Variants in IPO11 observed in about 807,000 individuals in gnomAD.
IPO11 encodes importin 11, also known as importin-11.
Under a neutral mutation model 143.2 loss-of-function variants are expected in IPO11, and 66 were observed. The observed-to-expected ratio is 0.46, with a 90% CI of 0.38 to 0.57. The LOEUF (loss-of-function observed/expected upper bound fraction) is 0.57. IPO11 is among the 20% of genes least tolerant of loss of function. The pLI is 0.00. For missense variants in IPO11, 1,026 were observed against 1,141.0 expected, an observed-to-expected ratio of 0.90 and a Z score of 1.45; for synonymous variants, 385 against 377.8, an observed-to-expected ratio of 1.02 and a Z score of -0.22.
At chr5:62,591,822 A>G (rs1290591051) in intron 28 of IPO11, 150 bp downstream of exon 28, 2 of 520,470 alleles carry the variant, frequency 3.8e-6, no homozygotes, top group Non-Finnish European at 3.3e-6. Context: ...TTTGCTTGTA[A>G]TATTTATTGT....
In IPO11 at chr5:62,551,984, C is replaced by T. The variant is rs13182779; in HGVS notation, c.2460+648C>T. 2.6e-5 allele frequency among the ~76,000 whole-genome samples: 4 copies of T among 152,020 alleles called. No individual in the cohort carries two copies. In the East Asian group the frequency reaches 7.7e-4, roughly 29 times the overall value. The stretch of plus-strand genomic sequence containing the variant: ...CTAAAAATACAAAAAATTAGCCCGG[C>T]GCGGTTGCGGGCACCTGTAGTCCCA... On this transcript the variant is annotated intron_variant, in intron 26 of 29. Coordinates refer to ENST00000325324, the MANE Select transcript of IPO11 (RefSeq NM_016338.5).
At chr5:62,486,081 T>C (rs113365538) in intron 12 of IPO11, among the ~76,000 whole-genome samples, 1 of 150,868 alleles carries the variant, frequency 6.6e-6, no homozygotes, top group East Asian at 2.0e-4. Flanking sequence ...CCTGGGTTCA[T>C]GCCATTCTCC....
At chr5:62,598,270 G>A (rs1042911956) in intron 28 of IPO11, among the ~76,000 whole-genome samples, 1 of 151,938 alleles carries the variant, frequency 6.6e-6, no homozygotes, top group Non-Finnish European at 1.5e-5. Flanking sequence ...GAGGATAACT[G>A]TACAGATTCA....
At chr5:62,446,938 G>T (rs1249435777) in intron 3 of IPO11, among the ~76,000 whole-genome samples, 1 of 151,322 alleles carries the variant, frequency 6.6e-6, no homozygotes, top group African/African-American at 2.4e-5. Flanking sequence ...CTGTACTCCA[G>T]CCTGGGCAAC....
intron 27 of IPO11, among the ~76,000 whole-genome samples, chr5:62,574,849 T>C (rs1414298797): frequency 6.6e-6 from 1 of 152,220 alleles, no homozygotes; most frequent in African/African-American, 2.4e-5. Context: ...TCCTTGAAAG[T>C]GTCCTAGTGT....
intron 10 of IPO11, 85 bp downstream of exon 10, chr5:62,483,378 G>A (rs1454669046): frequency 3.9e-6 from 3 of 762,736 alleles, no homozygotes; most frequent in Admixed American, 6.8e-5. Flanking sequence ...TTTAAAAAAT[G>A]TCATTTTAGT....
intron 5 of IPO11, among the ~76,000 whole-genome samples, chr5:62,463,339 C>T (rs1394639007): frequency 1.3e-5 from 2 of 152,014 alleles, no homozygotes; most frequent in Admixed American, 6.6e-5. Context: ...AGATACCATG[C>T]CCAGGGTGTA....
intron 24 of IPO11, among the ~76,000 whole-genome samples, chr5:62,548,044 A>G (rs1289098246): frequency 6.6e-6 from 1 of 150,834 alleles, no homozygotes; most frequent in East Asian, 1.9e-4. Flanking sequence ...TTGTTCCTTC[A>G]TGAGTTGTTA....
chr5:62,543,496 ATGG>A (rs1743036765), intron 24 of IPO11, among the ~76,000 whole-genome samples: 1 of 152,148 alleles, frequency 6.6e-6, no homozygotes. Context: ...ATATTCTCTG[ATGG>A]TGGTTTGTGT....
intron 19 of IPO11, among the ~76,000 whole-genome samples, chr5:62,513,483 G>C (rs1741867278): frequency 7.1e-6 from 1 of 141,772 alleles, no homozygotes; most frequent in African/African-American, 2.6e-5. Flanking sequence ...TCCCAGTAGG[G>C]GCGGCCGGGC....
rs569307687 is a variant in IPO11 at position 62,431,535 on chromosome 5, A to T, written c.-6-5739A>T. ...ATTTTAAAACAAATCAGGCATAGAG[A>T]TTCAGCTGTGGAATCCTCCTGCTTA... On this transcript the variant is annotated intron_variant, in intron 1 of 29. Transcript: ENST00000325324. 7.9e-5 allele frequency among the ~76,000 whole-genome samples: 12 copies of T among 152,058 alleles called. No homozygotes were observed. The South Asian group carries it at 2.3e-3, about 29-fold the overall frequency.
intron 15 of IPO11, among the ~76,000 whole-genome samples, chr5:62,491,666 GTTTTTT>G (rs372842718): frequency 7.1e-6 from 1 of 140,038 alleles, no homozygotes; most frequent in Non-Finnish European, 1.6e-5. Flanking sequence ...ATATTAATAA[GTTTTTT>G]TTTTTTTTTT....
chr5:62,505,343 C>T (rs1011261882), intron 18 of IPO11, among the ~76,000 whole-genome samples: 6 of 152,038 alleles, frequency 3.9e-5, no homozygotes, highest in Admixed American at 3.3e-4. Flanking sequence ...TTTACTCAAC[C>T]CCCAGCACCT....
chr5:62,470,107 C>T, intron 6 of IPO11, 143 bp from the exon 7 acceptor site: 1 of 704,704 alleles, frequency 1.4e-6, no homozygotes, highest in Non-Finnish European at 2.5e-6. Flanking sequence ...CCACTAATTT[C>T]CCAGCCAAAT....
intron 1 of IPO11, among the ~76,000 whole-genome samples, chr5:62,430,519 G>A (rs568812383): frequency 5.3e-5 from 8 of 151,462 alleles, no homozygotes; most frequent in African/African-American, 1.9e-4. Context: ...ATGGGTTTTC[G>A]CCATGTTACC....
At chr5:62,619,281 A>G (rs1746259445) in intron 29 of IPO11, among the ~76,000 whole-genome samples, 1 of 152,012 alleles carries the variant, frequency 6.6e-6, no homozygotes, top group African/African-American at 2.4e-5. Context: ...GTCTTTCCAC[A>G]CTTCTTTCTT....
chr5:62,620,756 A>T (rs1180638773), intron 29 of IPO11, among the ~76,000 whole-genome samples: 1 of 152,208 alleles, frequency 6.6e-6, no homozygotes, highest in African/African-American at 2.4e-5. Context: ...AATGTCTCTT[A>T]TCAGACTTAA....
At chr5:62,526,582 A>C in intron 21 of IPO11, 1 of 220,632 alleles carries the variant, frequency 4.5e-6, no homozygotes, top group East Asian at 1.2e-4. Context: ...TGTTTGGGGG[A>C]TATTGAGGTC....
At chr5:62,620,415 A>T (rs1184625358) in intron 29 of IPO11, among the ~76,000 whole-genome samples, 1 of 149,400 alleles carries the variant, frequency 6.7e-6, no homozygotes, top group Non-Finnish European at 1.5e-5. Flanking sequence ...GCTACTCGGG[A>T]GGCTGAGGCA....
Sources: allele counts gnomAD v4.1 joint callset (sites outside exome capture counted in the v4.1 genomes callset), GRCh38; gene constraint gnomAD v4.1.1; transcripts MANE v1.5; gene names NCBI Gene and HGNC (gene_info 2026-07-23, HGNC 2026-07-21).